FBXL16: variants seen among roughly 807,000 people sequenced by gnomAD.
FBXL16 encodes F-box and leucine rich repeat protein 16, also known as F-box/LRR-repeat protein 16.
Under a neutral mutation model 36.7 loss-of-function variants are expected in FBXL16, and 7 were observed. That is an observed-to-expected ratio of 0.19 (90% CI 0.11 to 0.36). The LOEUF (loss-of-function observed/expected upper bound fraction) is 0.36, where lower values mean the gene tolerates loss of function less well. FBXL16 is among the 10% of genes least tolerant of loss of function. FBXL16 has a pLI of 1.00. For synonymous variants in FBXL16, 355 were observed against 308.7 expected (o/e 1.15, Z -1.57); for missense variants, 463 against 659.4 (o/e 0.70, Z 3.26).
chr16:699,638 C>T (rs2151521735), intron 1 of FBXL16, among the ~76,000 whole-genome samples: 1 of 152,276 alleles, frequency 6.6e-6, no homozygotes, highest in East Asian at 1.9e-4. Context: ...AGCCCCACGG[C>T]CACACTCCAG....
chr16:701,535 T>C (rs1328888549), intron 1 of FBXL16, among the ~76,000 whole-genome samples: 1 of 151,950 alleles, frequency 6.6e-6, no homozygotes, highest in African/African-American at 2.4e-5. Flanking sequence ...GAGACTGGGG[T>C]CTCTCTGCCC....
rs2039985137 is a variant in FBXL16, at chr16:693,350, C to G, written c.*925G>C. 1 of 152,430 alleles carries G rather than the reference C, an allele frequency of 6.6e-6. No homozygotes were observed. Among genetic ancestry groups the G allele is most frequent in the Non-Finnish European group, 1.5e-5 (1 of 68,208 alleles). 9.4% of individuals were successfully genotyped at this position (152,430 alleles called of 1,614,324 possible). ...CCAGGGTGAAGCTCGGTGCCCAGGCCTGAACTGAGCCCGGCCGGGTGCAAG... is the reference window on the plus strand; with the variant it reads ...CCAGGGTGAAGCTCGGTGCCCAGGCGTGAACTGAGCCCGGCCGGGTGCAAG... On this transcript the variant is annotated 3_prime_UTR_variant, in exon 6 of 6. Coordinates refer to ENST00000397621, the MANE Select transcript of FBXL16 (RefSeq NM_153350.4).
At position 697,270 on chromosome 16, in the gene FBXL16, G is replaced by C; in HGVS notation, c.136C>G (p.Pro46Ala). 3 of 1,518,162 alleles carry C rather than the reference G, an allele frequency of 2.0e-6. No homozygotes were observed. The highest frequency in any genetic ancestry group is 1.8e-6 in the Non-Finnish European group (2 of 1,136,960). 94.0% of individuals were successfully genotyped at this position (1,518,162 alleles called of 1,614,324 possible). A position where few individuals can be genotyped will look rare whatever the true frequency, so the allele number is the denominator to read the frequency against. The change falls in exon 2 of 6, where the codon CCC becomes GCC. Residue 46 changes from proline to alanine, a missense_variant. Around this residue, in one of 3 missense-constraint regions of FBXL16, gnomAD observed 263 missense variants for 341.1 expected, o/e 0.77. Coordinates refer to ENST00000397621, the MANE Select transcript of FBXL16 (RefSeq NM_153350.4). The surrounding 1 kb of genome is among the most constrained non-coding windows in gnomAD (Gnocchi z 4.6). ...GTGGGTGGGGGTGGTGGCTGGCAGG[G>C]GCGGTTCTTGGTGGCTGGCGTGCCC... ...TKGTPATKNR[P>A]CQPPPPPTLP...
In FBXL16 at chr16:695,984, A is replaced by G. The variant is rs1325048721; in HGVS notation, c.634-61T>C. On this transcript the variant is annotated intron_variant, in intron 2 of 5. Coordinates refer to ENST00000397621, the MANE Select transcript of FBXL16 (RefSeq NM_153350.4). ...AGAAGGGGTGGAGCCCGCAGGGAGGAAGCAGTAGGGTGTAAACATGCAGGG... is the reference window on the plus strand; with the variant it reads ...AGAAGGGGTGGAGCCCGCAGGGAGGGAGCAGTAGGGTGTAAACATGCAGGG... The G allele has an allele frequency of 5.9e-6, 9 of 1,521,626 alleles. No individual in the cohort carries two copies. The Admixed American group carries it at 7.9e-5, about 13-fold the overall frequency. The allele number at this position is 1,521,626 out of a possible 1,614,324, so 94.3% of individuals were successfully genotyped here.
intron 5 of FBXL16, 101 bp from the exon 6 acceptor site, chr16:694,524 G>C: frequency 1.3e-6 from 2 of 1,509,882 alleles, no homozygotes; most frequent in African/African-American, 1.4e-5. Flanking sequence ...ACCCGGGACT[G>C]TGTGTCCGCG....
Position 697,900 on chromosome 16 carries a change from T to C in FBXL16, c.-14-481A>G, listed in dbSNP as rs1338640382. On this transcript the variant is annotated intron_variant, in intron 1 of 5. Coordinates refer to ENST00000397621, the MANE Select transcript of FBXL16 (RefSeq NM_153350.4). This position sits in a 1 kb window ranked among gnomAD's most constrained non-coding sequence, Gnocchi z 4.6. ...CTGTAGTACCAGCTACTTGGGAGGC[T>C]GCAGCAGGAGAATGACGTGAACCCG... 6.6e-6 allele frequency among the ~76,000 whole-genome samples: 1 copy of C among 151,258 alleles called. No homozygotes were observed. Among genetic ancestry groups the C allele is most frequent in the Non-Finnish European group, 1.5e-5 (1 of 67,900 alleles).
chr16:702,476 C>T (rs556100973), intron 1 of FBXL16, among the ~76,000 whole-genome samples: 1 of 152,206 alleles, frequency 6.6e-6, no homozygotes, highest in Admixed American at 6.5e-5. Flanking sequence ...TGAGGACAGA[C>T]AGCACCAACG....
intron 1 of FBXL16, among the ~76,000 whole-genome samples, chr16:704,850 G>A (rs960031679): frequency 2.0e-5 from 3 of 152,262 alleles, no homozygotes; most frequent in African/African-American, 2.4e-5. Flanking sequence ...AGCTGCCACC[G>A]CAGCCCTCTC....
In FBXL16 at chr16:695,684, G is replaced by C; in HGVS notation, c.873C>G (p.Arg291=). The C allele has an allele frequency of 2.5e-6, 4 of 1,605,808 alleles. No homozygotes were observed. Among genetic ancestry groups the C allele is most frequent in the Non-Finnish European group, 3.4e-6 (4 of 1,179,554 alleles). The part of the protein sequence containing the change: ...TDTALAYFTA[R]QGHSTHTLRL... Reference sequence around the variant, plus strand: ...GCAGCGTGTGCGTGCTGTGGCCCTGGCGCGCCGTGAAGTAGGCCAGCGCCG... The same window carrying C: ...GCAGCGTGTGCGTGCTGTGGCCCTGCCGCGCCGTGAAGTAGGCCAGCGCCG... The change falls in exon 3 of 6, where the codon CGC becomes CGG. Residue 291 remains arginine, a synonymous_variant. Coordinates refer to ENST00000397621, the MANE Select transcript of FBXL16 (RefSeq NM_153350.4).
chr16:696,040 TGAG>T, intron 2 of FBXL16, 117 bp from the exon 3 acceptor site: 1 of 1,396,364 alleles, frequency 7.2e-7, no homozygotes, highest in Non-Finnish European at 9.4e-7. Context: ...TGGCAGTGTG[TGAG>T]GAGGCGGGGC....
Position 696,788 on chromosome 16 carries a change from C to A in FBXL16, c.618G>T (p.Thr206=). 1 of 1,369,400 alleles carries A rather than the reference C, an allele frequency of 7.3e-7. No individual in the cohort carries two copies. 84.8% of individuals were successfully genotyped at this position (1,369,400 alleles called of 1,614,324 possible). ...TGGTGCACACCTCGAGGCCTGCGTC[C>A]GTGATGGTGGAGCGCTTGAGGCTCA... ...KAMSLKRSTI[T]DAGLEVMLEQ... The change falls in exon 2 of 6, where the codon ACG becomes ACT. Residue 206 remains threonine (T), a synonymous_variant. Transcript: ENST00000397621.
At chr16:702,577 A>G (rs1306500656) in intron 1 of FBXL16, among the ~76,000 whole-genome samples, 1 of 152,220 alleles carries the variant, frequency 6.6e-6, no homozygotes, top group Non-Finnish European at 1.5e-5. Context: ...TCACGCAGAA[A>G]GGGGTGCAGC....
At chr16:700,256 T>C (rs1246151991) in intron 1 of FBXL16, among the ~76,000 whole-genome samples, 1 of 152,104 alleles carries the variant, frequency 6.6e-6, no homozygotes, top group Non-Finnish European at 1.5e-5. Flanking sequence ...CTTCCTGCCC[T>C]AATGGCAGGA....
In FBXL16 at chr16:696,838, G is replaced by T; in HGVS notation, c.568C>A (p.Leu190Ile). ...ATGGCTTTGACACCCTTCTTGGAGA[G>T]CGCATAGTTGTCAATGAACTCACAG... is the stretch of plus-strand genomic sequence containing the variant. ...DICEFIDNYA[L>I]SKKGVKAMSL... is the part of the protein sequence containing the mutation. Residue 190 changes from leucine (L) to isoleucine (I), a missense_variant, in exon 2 of 6, where the codon CTC becomes ATC. Around this residue, in one of 3 missense-constraint regions of FBXL16, gnomAD observed 263 missense variants for 341.1 expected, o/e 0.77. Transcript: ENST00000397621. 1 of 1,558,000 alleles carries T rather than the reference G, an allele frequency of 6.4e-7. No individual in the cohort carries two copies. Among genetic ancestry groups the T allele is most frequent in the Non-Finnish European group, 8.6e-7 (1 of 1,158,294 alleles).
intron 1 of FBXL16, among the ~76,000 whole-genome samples, chr16:698,616 G>C (rs2040032523): frequency 6.6e-6 from 1 of 152,200 alleles, no homozygotes; most frequent in South Asian, 2.1e-4. Context: ...AGCTTCCCTG[G>C]CTCAGAATCT....
chr16:696,031 G>A lies in FBXL16; in HGVS notation c.634-108C>T, dbSNP rs543964492. The A allele has an allele frequency of 1.6e-4, 230 of 1,425,396 alleles. 2 individuals carry two copies. The South Asian group carries it at 3.2e-3, about 20-fold the overall frequency. 88.3% of individuals were successfully genotyped at this position (1,425,396 alleles called of 1,614,324 possible). A position where few individuals can be genotyped will look rare whatever the true frequency, so the allele number is the denominator to read the frequency against. On this transcript the variant is annotated intron_variant, in intron 2 of 5. Coordinates refer to ENST00000397621, the MANE Select transcript of FBXL16 (RefSeq NM_153350.4). ...AGGGAGCTGAACCCTGAAAACATTT[G>A]GCAGTGTGTGAGGAGGCGGGGCATC...
rs202092953 is a variant in FBXL16, at chr16:694,956, G to A, written c.1227+36C>T. The A allele has an allele frequency of 8.5e-4, 1,194 of 1,410,016 alleles. 5 individuals carry two copies. In the African/African-American group the frequency reaches 0.015, roughly 17 times the overall value. 87.3% of individuals were successfully genotyped at this position (1,410,016 alleles called of 1,614,324 possible). On this transcript the variant is annotated intron_variant, in intron 4 of 5. Coordinates refer to ENST00000397621, the MANE Select transcript of FBXL16 (RefSeq NM_153350.4). Reference sequence around the variant, plus strand: ...GCTCTCCCCGCGCCCCCACCTCCCCGCCGATCCCCCAATCCCGGGGCGTGA... The same window carrying A: ...GCTCTCCCCGCGCCCCCACCTCCCCACCGATCCCCCAATCCCGGGGCGTGA...
At chr16:696,750 T>TCCCCCCCCCCCCCCCCCCCCCC in intron 2 of FBXL16, 23 bp downstream of exon 2, 1 of 652,390 alleles carries the variant, frequency 1.5e-6, no homozygotes. Context: ...CCCAGCCCTG[T>TCCCCCCCCCCCCCCCCCCCCCC]CCCCCCCGAG....
At chr16:698,913 C>CAAAAAAAAAAAAAAAAAAAAAAAAAAAAA (rs767619638) in intron 1 of FBXL16, among the ~76,000 whole-genome samples, 1 of 89,738 alleles carries the variant, frequency 1.1e-5, no homozygotes, top group African/African-American at 4.1e-5. Flanking sequence ...GACTTTGTCT[C>CAAAAAAAAAAAAAAAAAAAAAAAAAAAAA]AAAAAAAAAA....
Sources: allele counts gnomAD v4.1 joint callset (sites outside exome capture counted in the v4.1 genomes callset), GRCh38; gene constraint gnomAD v4.1.1; regional missense constraint gnomAD v4.1.1; non-coding constraint Gnocchi (gnomAD v3.1); transcripts MANE v1.5; gene names NCBI Gene and HGNC (gene_info 2026-07-23, HGNC 2026-07-21).